The following MFHAS1 variants were observed in gnomAD, a reference collection of about 807,000 sequenced individuals.
The protein encoded by MFHAS1 is malignant fibrous histiocytoma-amplified sequence 1.
A neutral mutation model predicts 70.4 loss-of-function variants in MFHAS1; 50 were observed. The ratio of observed to expected loss-of-function variants is 0.71; its 90% CI spans 0.57 to 0.90. The LOEUF (loss-of-function observed/expected upper bound fraction) is 0.90. Among genes scored for constraint, MFHAS1 ranks in the 40% least tolerant of loss-of-function variants. The pLI is 0.00. For missense variants in MFHAS1, 1,795 were observed against 1,347.6 expected (o/e 1.33, Z -5.20); for synonymous variants, 952 against 620.0 (o/e 1.54, Z -7.96).
In MFHAS1 at chr8:8,801,142, G is replaced by C. The variant is rs529088556; in HGVS notation, c.2999-3651C>G. 4.0e-3 allele frequency among the ~76,000 whole-genome samples: 612 copies of C among 152,142 alleles called. 1 individual carries two copies. Among genetic ancestry groups the C allele is most frequent in the Non-Finnish European group, 6.4e-3 (436 of 68,026 alleles). On this transcript the variant is annotated intron_variant, in intron 1 of 2. Transcript: ENST00000276282. ...AGGCAGCAGAATCGCTTGAACCTGG[G>C]AAGTGGAGGTTGCAGTGACCCAAGA...
chr8:8,886,366 C>A (rs995079729), intron 1 of MFHAS1, among the ~76,000 whole-genome samples: 3 of 151,976 alleles, frequency 2.0e-5, no homozygotes, highest in Non-Finnish European at 4.4e-5. Context: ...CGGAGTCTGG[C>A]TACATTACTC....
chr8:8,820,577 A>AT (rs956539299), intron 1 of MFHAS1, among the ~76,000 whole-genome samples: 2 of 151,606 alleles, frequency 1.3e-5, no homozygotes, highest in East Asian at 1.9e-4. Flanking sequence ...AATATCATGA[A>AT]TTTTTTTTTC....
chr8:8,875,153 G>A (rs540404917), intron 1 of MFHAS1, among the ~76,000 whole-genome samples: 8 of 152,282 alleles, frequency 5.3e-5, no homozygotes, highest in South Asian at 2.1e-4. Flanking sequence ...GGGAAGCAAC[G>A]TAAACGTGCA....
intron 1 of MFHAS1, among the ~76,000 whole-genome samples, chr8:8,882,890 T>C (rs150148571): frequency 0.017 from 2,579 of 152,220 alleles, 80 homozygotes; most frequent in African/African-American, 0.058. Flanking sequence ...CGGTGGCTCA[T>C]GCCTGTAATC....
At position 8,784,149 on chromosome 8, in the gene MFHAS1, T is replaced by G. The variant is rs1454883815; in HGVS notation, c.*1873A>C. 2.6e-5 allele frequency: 4 copies of G among 152,134 alleles called. No individual in the cohort carries two copies. The highest frequency in any genetic ancestry group is 5.9e-5 in the Non-Finnish European group (4 of 68,016). 9.4% of individuals were successfully genotyped at this position (152,134 alleles called of 1,614,324 possible). On this transcript the variant is annotated 3_prime_UTR_variant, in exon 3 of 3. Coordinates refer to ENST00000276282, the MANE Select transcript of MFHAS1 (RefSeq NM_004225.3). ...TAGCCCAAAATCATACAAATAAGCC[T>G]TTTTCTAAAGACAGGTCAAAGTTGG...
rs200214807 is a variant in MFHAS1, at chr8:8,892,505, G to T, written c.554C>A (p.Thr185Asn). The stretch of plus-strand genomic sequence containing the variant: ...GAGCTGGTTGTGATCCACGTCCAGG[G>T]TGCGCAGGCGGGAGAGGCAGGAGAG... The part of the protein sequence containing the change: ...DSLSCLSRLR[T>N]LDVDHNQLTA... The change falls in exon 1 of 3, where the codon ACC becomes AAC. Residue 185 changes from threonine to asparagine, a missense_variant. Transcript: ENST00000276282. This position sits in a 1 kb window ranked among gnomAD's most constrained non-coding sequence, Gnocchi z 4.7. 1.7e-5 allele frequency: 28 copies of T among 1,604,036 alleles called. No homozygotes were observed. The South Asian group carries it at 3.1e-4, about 18-fold the overall frequency.
At chr8:8,885,843 G>A (rs1429821742) in intron 1 of MFHAS1, among the ~76,000 whole-genome samples, 1 of 152,202 alleles carries the variant, frequency 6.6e-6, no homozygotes, top group African/African-American at 2.4e-5. Context: ...CCCAGGAGCT[G>A]GGATTACAGG....
Position 8,891,007 on chromosome 8 carries a change from C to T in MFHAS1, c.2052G>A (p.Trp684Ter), listed in dbSNP as rs1279871971. 6.2e-7 allele frequency: 1 copy of T among 1,613,926 alleles called. No homozygotes were observed. ...PQAQRLWLSWWDSARLGLQAG... is the reference protein window; with the variant it reads ...PQAQRLWLSW ...CCTGCAGGCCCAAGCGCGCCGAGTC[C>T]CACCAGCTTAGCCACAGTCGCTGGG... Residue 684 changes from tryptophan (W) to a stop codon, truncating the protein, a stop_gained, in exon 1 of 3, where the codon TGG becomes TGA. Coordinates refer to ENST00000276282, the MANE Select transcript of MFHAS1 (RefSeq NM_004225.3). LOFTEE classifies it high-confidence loss of function. This position sits in a 1 kb window ranked among gnomAD's most constrained non-coding sequence, Gnocchi z 5.4.
intron 1 of MFHAS1, among the ~76,000 whole-genome samples, chr8:8,855,607 G>A (rs1808407626): frequency 6.6e-6 from 1 of 152,148 alleles, no homozygotes; most frequent in Non-Finnish European, 1.5e-5. Flanking sequence ...TGTAATCCTG[G>A]CGCTTTGGTA....
chr8:8,848,755 G>C (rs931443311), intron 1 of MFHAS1, among the ~76,000 whole-genome samples: 10 of 152,270 alleles, frequency 6.6e-5, no homozygotes, highest in Admixed American at 6.5e-4. Context: ...GAAAAACACA[G>C]ACTGCTATGG....
chr8:8,844,934 C>G (rs1374579673), intron 1 of MFHAS1, among the ~76,000 whole-genome samples: 2 of 152,092 alleles, frequency 1.3e-5, no homozygotes, highest in Non-Finnish European at 2.9e-5. Context: ...ATCTGCATGA[C>G]AAAGCAATCC....
chr8:8,839,987 T>G (rs186888124), intron 1 of MFHAS1, among the ~76,000 whole-genome samples: 5 of 152,270 alleles, frequency 3.3e-5, no homozygotes, highest in South Asian at 2.1e-4. Context: ...TTGAATGCAT[T>G]CTCTTAATTC....
intron 1 of MFHAS1, among the ~76,000 whole-genome samples, chr8:8,889,295 C>A (rs1156692306): frequency 6.6e-6 from 1 of 152,142 alleles, no homozygotes; most frequent in Non-Finnish European, 1.5e-5. Context: ...TCAAAGATTT[C>A]AGTCATCTAT....
intron 2 of MFHAS1, among the ~76,000 whole-genome samples, chr8:8,794,583 G>C (rs1317746251): frequency 6.6e-6 from 1 of 152,194 alleles, no homozygotes; most frequent in Non-Finnish European, 1.5e-5. Flanking sequence ...AGTCACACAA[G>C]AGATCATTTA....
intron 1 of MFHAS1, among the ~76,000 whole-genome samples, chr8:8,799,991 A>G (rs748654762): frequency 3.8e-4 from 58 of 152,306 alleles, no homozygotes; most frequent in Non-Finnish European, 6.6e-4. Context: ...CAGACTTGGG[A>G]TGTGAACTTG....
intron 1 of MFHAS1, among the ~76,000 whole-genome samples, chr8:8,842,855 A>G (rs1187384953): frequency 1.3e-5 from 2 of 152,258 alleles, no homozygotes; most frequent in Non-Finnish European, 2.9e-5. Context: ...ACGGATGCTC[A>G]TAGTGCTCCC....
intron 1 of MFHAS1, among the ~76,000 whole-genome samples, chr8:8,806,862 G>A (rs1044134349): frequency 6.6e-6 from 1 of 152,086 alleles, no homozygotes; most frequent in African/African-American, 2.4e-5. Context: ...TTGGGAGGCT[G>A]AGGCAGGAGA....
Position 8,838,684 on chromosome 8 carries a change from G to A in MFHAS1, c.2999-41193C>T, listed in dbSNP as rs532872955. On this transcript the variant is annotated intron_variant, in intron 1 of 2. Transcript: ENST00000276282. Reference sequence around the variant, plus strand: ...AAAAATTAGCTGGGCATGGAGGCGGGTGCCTGTAATTCCAGCTACTCAGGA... The same window carrying A: ...AAAAATTAGCTGGGCATGGAGGCGGATGCCTGTAATTCCAGCTACTCAGGA... Among the ~76,000 whole-genome samples, 30 of 152,154 alleles carry A rather than the reference G, an allele frequency of 2.0e-4. No individual in the cohort carries two copies. The East Asian group carries it at 4.4e-3, about 23-fold the overall frequency.
At chr8:8,790,911 G>A (rs1034699256) in intron 2 of MFHAS1, among the ~76,000 whole-genome samples, 5 of 152,090 alleles carry the variant, frequency 3.3e-5, no homozygotes, top group East Asian at 1.9e-4. Flanking sequence ...AAGTAACCAC[G>A]GTACTTCTGA....
Sources: allele counts gnomAD v4.1 joint callset (sites outside exome capture counted in the v4.1 genomes callset), GRCh38; gene constraint gnomAD v4.1.1; non-coding constraint Gnocchi (gnomAD v3.1); transcripts MANE v1.5; gene names NCBI Gene and HGNC (gene_info 2026-07-23, HGNC 2026-07-21).